ITGB6: variants seen among roughly 807,000 people sequenced by gnomAD.
The protein encoded by ITGB6 is integrin subunit beta 6, also known as integrin beta-6.
A neutral mutation model predicts 84.5 loss-of-function variants in ITGB6; 80 were observed. The observed-to-expected ratio is 0.95, with a 90% CI of 0.79 to 1.14. ITGB6 has a LOEUF of 1.14. Ranked by LOEUF, ITGB6 falls within the 50% of genes most tolerant of loss-of-function variation. The pLI is 0.00. For synonymous variants in ITGB6, 383 were observed against 354.9 expected (o/e 1.08, Z -0.89); for missense variants, 1,006 against 968.0 (o/e 1.04, Z -0.52).
chr2:160,186,792 A>T (rs975682296), intron 4 of ITGB6, among the ~76,000 whole-genome samples: 1 of 152,254 alleles, frequency 6.6e-6, no homozygotes, highest in Non-Finnish European at 1.5e-5. Context: ...GTCATAAAAA[A>T]GGATGAGTTC....
chr2:160,166,709 A>G (rs1052095232), intron 7 of ITGB6, among the ~76,000 whole-genome samples: 6 of 152,208 alleles, frequency 3.9e-5, no homozygotes, highest in Admixed American at 1.3e-4. Flanking sequence ...TTCGAACCCT[A>G]TAATTGGACA....
At chr2:160,144,512 G>A (rs1412585875) in intron 7 of ITGB6, among the ~76,000 whole-genome samples, 2 of 152,222 alleles carry the variant, frequency 1.3e-5, no homozygotes, top group Non-Finnish European at 1.5e-5. Flanking sequence ...AAGCTGGAAC[G>A]TGTGTAAATT....
At chr2:160,145,999 C>G (rs961831794) in intron 7 of ITGB6, among the ~76,000 whole-genome samples, 2 of 152,070 alleles carry the variant, frequency 1.3e-5, no homozygotes, top group Non-Finnish European at 2.9e-5. Flanking sequence ...GACAGTAACT[C>G]TACTGGGCCC....
chr2:160,198,536 C>G (rs1686432126), intron 2 of ITGB6, among the ~76,000 whole-genome samples: 8 of 152,210 alleles, frequency 5.3e-5, no homozygotes. Context: ...AGACATCATT[C>G]TCTAGTGTCT....
At chr2:160,152,834 A>G (rs1238439703) in intron 7 of ITGB6, among the ~76,000 whole-genome samples, 4 of 152,102 alleles carry the variant, frequency 2.6e-5, no homozygotes, top group East Asian at 3.9e-4. Context: ...ATCATGAGTG[A>G]CCTCCCATTC....
At chr2:160,185,434 T>G (rs1037122952) in intron 4 of ITGB6, among the ~76,000 whole-genome samples, 1 of 152,140 alleles carries the variant, frequency 6.6e-6, no homozygotes, top group Non-Finnish European at 1.5e-5. Flanking sequence ...GTGAAGGACC[T>G]CTTCAAGAAC....
intron 4 of ITGB6, among the ~76,000 whole-genome samples, chr2:160,189,872 C>A (rs932057564): frequency 1.8e-4 from 27 of 152,084 alleles, no homozygotes; most frequent in East Asian, 5.8e-4. Context: ...CCAAAGGATT[C>A]TAAATCATGC....
intron 7 of ITGB6, among the ~76,000 whole-genome samples, chr2:160,163,890 C>T (rs147563814): frequency 6.4e-4 from 97 of 152,290 alleles, no homozygotes; most frequent in Admixed American, 9.8e-4. Context: ...TCTTGACAAA[C>T]GTTCCCTATT....
At chr2:160,175,791 G>A (rs1473724563) in intron 4 of ITGB6, among the ~76,000 whole-genome samples, 1 of 152,194 alleles carries the variant, frequency 6.6e-6, no homozygotes, top group Non-Finnish European at 1.5e-5. Context: ...ATAAGTTTGT[G>A]TAGTGATTTG....
chr2:160,124,306 A>G (rs142336798), intron 11 of ITGB6, among the ~76,000 whole-genome samples: 50 of 152,368 alleles, frequency 3.3e-4, no homozygotes, highest in South Asian at 1.4e-3. Flanking sequence ...CCTTAACCAG[A>G]ATTCCAAGAA....
At chr2:160,164,142 T>A (rs1684917506) in intron 7 of ITGB6, among the ~76,000 whole-genome samples, 1 of 152,196 alleles carries the variant, frequency 6.6e-6, no homozygotes, top group Non-Finnish European at 1.5e-5. Context: ...AATGCCCTCA[T>A]TCTGTTTTTA....
intron 4 of ITGB6, 72 bp downstream of exon 4, chr2:160,195,297 A>G (rs2105897478): frequency 6.3e-7 from 1 of 1,579,508 alleles, no homozygotes; most frequent in Non-Finnish European, 8.7e-7. Context: ...GCTCCTGGCA[A>G]GTGCAGCTCA....
intron 4 of ITGB6, among the ~76,000 whole-genome samples, chr2:160,180,514 T>C (rs1468445991): frequency 3.9e-5 from 6 of 152,144 alleles, no homozygotes; most frequent in Admixed American, 3.9e-4. Context: ...ATAGGTAAAT[T>C]GTGTGTGATG....
intron 7 of ITGB6, among the ~76,000 whole-genome samples, chr2:160,160,210 G>T (rs1684767135): frequency 6.6e-6 from 1 of 152,192 alleles, no homozygotes; most frequent in African/African-American, 2.4e-5. Context: ...TTGACCCTTT[G>T]TAGATAGGCG....
chr2:160,105,926 A>G (rs559312665), intron 14 of ITGB6, among the ~76,000 whole-genome samples: 1 of 152,314 alleles, frequency 6.6e-6, no homozygotes, highest in South Asian at 2.1e-4. Context: ...ATTATGGAAA[A>G]TACACACATT....
At chr2:160,123,703 TA>T in intron 12 of ITGB6, 87 bp downstream of exon 12, 1 of 955,328 alleles carries the variant, frequency 1.0e-6, no homozygotes. Flanking sequence ...GTCAAGCTAC[TA>T]AATAGCCCTC....
chr2:160,149,704 C>T (rs1275570391), intron 7 of ITGB6, among the ~76,000 whole-genome samples: 2 of 152,144 alleles, frequency 1.3e-5, no homozygotes, highest in Admixed American at 6.5e-5. Context: ...AGCTAAAAAC[C>T]TTGAAAAAAG....
intron 4 of ITGB6, among the ~76,000 whole-genome samples, chr2:160,188,135 GGT>G (rs1436009235): frequency 1.3e-5 from 2 of 152,076 alleles, no homozygotes; most frequent in African/African-American, 4.8e-5. Flanking sequence ...TTGTAACCCA[GGT>G]CTGAAAAATC....
intron 4 of ITGB6, among the ~76,000 whole-genome samples, chr2:160,174,916 C>T (rs1685357028): frequency 6.6e-6 from 1 of 152,162 alleles, no homozygotes. Flanking sequence ...GCATCATGAG[C>T]ATCACCCGGC....
Sources: allele counts gnomAD v4.1 joint callset (sites outside exome capture counted in the v4.1 genomes callset), GRCh38; gene constraint gnomAD v4.1.1; transcripts MANE v1.5; gene names NCBI Gene and HGNC (gene_info 2026-07-23, HGNC 2026-07-21).